Variants in LMBR1 observed in about 807,000 individuals in gnomAD.
The protein encoded by LMBR1 is limb development membrane protein 1.
Under a neutral mutation model 73.9 loss-of-function variants are expected in LMBR1, and 52 were observed. The ratio of observed to expected loss-of-function variants is 0.70; its 90% CI spans 0.56 to 0.89. The LOEUF (loss-of-function observed/expected upper bound fraction) is 0.89. Among genes scored for constraint, LMBR1 ranks in the 40% least tolerant of loss-of-function variants. LMBR1 has a pLI of 0.00. For synonymous variants in LMBR1, 215 were observed against 209.4 expected (o/e 1.03, Z -0.23); for missense variants, 539 against 579.8 (o/e 0.93, Z 0.72).
chr7:156,816,663 G>C (rs1833964991), intron 4 of LMBR1, among the ~76,000 whole-genome samples: 1 of 151,978 alleles, frequency 6.6e-6, no homozygotes, highest in South Asian at 2.1e-4. Context: ...AATACAATTT[G>C]CAATATATAA....
intron 15 of LMBR1, among the ~76,000 whole-genome samples, chr7:156,716,423 A>G (rs540942384): frequency 6.6e-6 from 1 of 152,358 alleles, no homozygotes; most frequent in East Asian, 1.9e-4. Context: ...GAACTAGAGT[A>G]TGTGAACTTG....
In LMBR1 at chr7:156,752,166, T is replaced by C. The variant is rs148185737; in HGVS notation, c.757+4227A>G. On this transcript the variant is annotated intron_variant, in intron 9 of 16. Transcript: ENST00000353442. ...ATTTCGAGGAGGAAAGAGAGGAAGA[T>C]AAGGACTACGAAGTCACAGACCAAC... 2.3e-3 allele frequency among the ~76,000 whole-genome samples: 345 copies of C among 152,258 alleles called. 3 individuals carry two copies. The highest frequency in any genetic ancestry group is 7.0e-3 in the African/African-American group (289 of 41,542).
At chr7:156,845,044 T>C (rs540240737) in intron 1 of LMBR1, among the ~76,000 whole-genome samples, 20 of 152,274 alleles carry the variant, frequency 1.3e-4, no homozygotes, top group African/African-American at 4.8e-4. Flanking sequence ...AGAATAAGTA[T>C]CATAAAAGAG....
intron 5 of LMBR1, 62 bp downstream of exon 5, chr7:156,796,327 C>A: frequency 1.9e-6 from 2 of 1,071,462 alleles, no homozygotes; most frequent in Non-Finnish European, 2.7e-6. Flanking sequence ...TTTTCTAGTT[C>A]AATGTGAATG....
intron 9 of LMBR1, among the ~76,000 whole-genome samples, chr7:156,753,559 C>A (rs1244548455): frequency 6.6e-6 from 1 of 151,970 alleles, no homozygotes; most frequent in Non-Finnish European, 1.5e-5. Flanking sequence ...ATGGCACAAG[C>A]AGAAAGTTTC....
rs1035907827 is a variant in LMBR1, at chr7:156,692,238, G to A, written c.1226-4047C>T. Among the ~76,000 whole-genome samples the A allele has an allele frequency of 4.6e-5, 7 of 152,034 alleles. No individual in the cohort carries two copies. In the South Asian group the frequency reaches 8.3e-4, roughly 18 times the overall value. ...AATACAGGCGCCCACCACCACGCCC[G>A]GCTAATTTTTGTATTTTTAGTAGAG... On this transcript the variant is annotated intron_variant, in intron 15 of 16. Coordinates refer to ENST00000353442, the MANE Select transcript of LMBR1 (RefSeq NM_022458.4).
At chr7:156,769,620 T>C (rs1824800347) in intron 5 of LMBR1, among the ~76,000 whole-genome samples, 1 of 152,214 alleles carries the variant, frequency 6.6e-6, no homozygotes, top group Non-Finnish European at 1.5e-5. Flanking sequence ...TGCTGTTACA[T>C]GGATGCTGGC....
In LMBR1 at chr7:156,825,616, T is replaced by A. The variant is rs1435077870; in HGVS notation, c.319+989A>T. On this transcript the variant is annotated intron_variant, in intron 4 of 16. Transcript: ENST00000353442. ...TCAAAAAAGAATTATGCCAGCATGTTCTATGAGAGACAAGAGTTCAGTTTA... is the reference window on the plus strand; with the variant it reads ...TCAAAAAAGAATTATGCCAGCATGTACTATGAGAGACAAGAGTTCAGTTTA... Among the ~76,000 whole-genome samples the A allele has an allele frequency of 5.9e-5, 9 of 152,320 alleles. No individual in the cohort carries two copies. In the East Asian group the frequency reaches 1.7e-3, roughly 29 times the overall value.
intron 4 of LMBR1, among the ~76,000 whole-genome samples, chr7:156,671,237 C>G (rs1406513593): frequency 6.6e-6 from 1 of 152,182 alleles, no homozygotes; most frequent in Non-Finnish European, 1.5e-5. Context: ...CACCGTTTGT[C>G]TGTCAGTAAC....
Position 156,683,245 on chromosome 7 carries a change from TA to T in LMBR1, c.*832del, listed in dbSNP as rs1032699042. ...TAAGTGATCTCTGAAAAAAATGCTT[TA>T]AAAAACTGAGTATACATATAGCCTA... On this transcript the variant is annotated 3_prime_UTR_variant, in exon 17 of 17. Coordinates refer to ENST00000353442, the MANE Select transcript of LMBR1 (RefSeq NM_022458.4). The T allele has an allele frequency of 6.6e-5, 10 of 152,238 alleles. No homozygotes were observed. Among genetic ancestry groups the T allele is most frequent in the African/African-American group, 2.4e-4 (10 of 41,462 alleles). 9.4% of individuals were successfully genotyped at this position (152,238 alleles called of 1,614,324 possible). A position where few individuals can be genotyped will look rare whatever the true frequency, so the allele number is the denominator to read the frequency against.
At chr7:156,793,320 G>A (rs982104264) in intron 5 of LMBR1, among the ~76,000 whole-genome samples, 10 of 152,112 alleles carry the variant, frequency 6.6e-5, no homozygotes, top group African/African-American at 1.4e-4. Context: ...TAGACTTAAC[G>A]ACACAATATT....
intron 5 of LMBR1, among the ~76,000 whole-genome samples, chr7:156,790,798 GTATT>G (rs1171095943): frequency 6.6e-6 from 1 of 150,834 alleles, no homozygotes; most frequent in Non-Finnish European, 1.5e-5. Context: ...TGAAATAAAT[GTATT>G]TACTCTTTTC....
intron 3 of LMBR1, 145 bp downstream of exon 3, chr7:156,833,608 T>C (rs1256096749): frequency 3.1e-6 from 2 of 636,714 alleles, no homozygotes; most frequent in Non-Finnish European, 5.5e-6. Flanking sequence ...TTTGCTTACA[T>C]GTGCTTTCTA....
At chr7:156,858,558 A>G (rs1346909071) in intron 1 of LMBR1, among the ~76,000 whole-genome samples, 1 of 152,208 alleles carries the variant, frequency 6.6e-6, no homozygotes, top group Non-Finnish European at 1.5e-5. Flanking sequence ...CTAACACACT[A>G]TATGAGGTCA....
chr7:156,672,116 C>T (rs1342676183), intron 4 of LMBR1, among the ~76,000 whole-genome samples: 2 of 152,154 alleles, frequency 1.3e-5, no homozygotes, highest in Non-Finnish European at 2.9e-5. Flanking sequence ...CATTTATTTG[C>T]TTTCTTGCTA....
intron 5 of LMBR1, among the ~76,000 whole-genome samples, chr7:156,789,233 C>T (rs1828751591): frequency 6.6e-6 from 1 of 152,076 alleles, no homozygotes; most frequent in South Asian, 2.1e-4. Flanking sequence ...TTTTTAATCC[C>T]TAAAAGAAGA....
chr7:156,891,211 A>ATATAT (rs1357015003), intron 1 of LMBR1, among the ~76,000 whole-genome samples: 3 of 81,500 alleles, frequency 3.7e-5, no homozygotes, highest in African/African-American at 1.6e-4. Context: ...AAAAAAAAAA[A>ATATAT]ATATATATAT....
chr7:156,768,583 G>C (rs893450926), intron 5 of LMBR1, among the ~76,000 whole-genome samples: 1 of 152,144 alleles, frequency 6.6e-6, no homozygotes, highest in Non-Finnish European at 1.5e-5. Context: ...GAGGGCTCAG[G>C]GGATTGAGGG....
chr7:156,680,395 A>AGTGTGTGTGTGTGTGTGTGTGT lies in LMBR1; in HGVS notation c.*3682_*3683insACACACACACACACACACACAC, dbSNP rs1194019914. 3 of 138,086 alleles carry AGTGTGTGTGTGTGTGTGTGTGT rather than the reference A, an allele frequency of 2.2e-5. No homozygotes were observed. The highest frequency in any genetic ancestry group is 8.7e-5 in the African/African-American group (3 of 34,294). 8.6% of individuals were successfully genotyped at this position (138,086 alleles called of 1,614,324 possible). On this transcript the variant is annotated 3_prime_UTR_variant, in exon 17 of 17. Coordinates refer to ENST00000353442, the MANE Select transcript of LMBR1 (RefSeq NM_022458.4). ...GAGAGACAGAGAGAGAGAGAGAGAG[A>AGTGTGTGTGTGTGTGTGTGTGT]GAGAGAGAGTGTGTGTGTGTGTGTG...
Sources: allele counts gnomAD v4.1 joint callset (sites outside exome capture counted in the v4.1 genomes callset), GRCh38; gene constraint gnomAD v4.1.1; transcripts MANE v1.5; gene names NCBI Gene and HGNC (gene_info 2026-07-23, HGNC 2026-07-21).